The following CRADD variants were observed in gnomAD, a reference collection of about 807,000 sequenced individuals.
CRADD encodes the protein CARD and death domain containing adaptor protein.
In CRADD, 9 loss-of-function variants were observed where a neutral mutation model predicts 15.5. The ratio of observed to expected loss-of-function variants is 0.58; its 90% CI spans 0.35 to 1.01. The LOEUF (loss-of-function observed/expected upper bound fraction) is 1.01. CRADD is among the 50% of genes least tolerant of loss of function. The pLI is 0.02. For missense variants in CRADD, 227 were observed against 250.3 expected (o/e 0.91, Z 0.63); for synonymous variants, 118 against 107.6 (o/e 1.10, Z -0.60).
intron 2 of CRADD, among the ~76,000 whole-genome samples, chr12:93,884,156 C>T (rs532704564): frequency 4.6e-5 from 7 of 152,344 alleles, no homozygotes; most frequent in Admixed American, 1.3e-4. Flanking sequence ...CTGGCTACCA[C>T]AGTTCTCCAG....
chr12:93,857,540 A>T (rs1044238417), intron 2 of CRADD, among the ~76,000 whole-genome samples: 1 of 152,232 alleles, frequency 6.6e-6, no homozygotes, highest in Non-Finnish European at 1.5e-5. Context: ...ATTTCTTTGA[A>T]TATAAATAGT....
At chr12:93,756,555 T>G (rs989257319) in intron 2 of CRADD, among the ~76,000 whole-genome samples, 1 of 152,220 alleles carries the variant, frequency 6.6e-6, no homozygotes. Context: ...TTAAGCTGTT[T>G]TATTCCAGGG....
chr12:93,860,881 TCTGCTTTA>T (rs1243613830), intron 2 of CRADD, among the ~76,000 whole-genome samples: 2 of 152,216 alleles, frequency 1.3e-5, no homozygotes, highest in African/African-American at 4.8e-5. Flanking sequence ...CCAGGGACTT[TCTGCTTTA>T]ACCAAATATT....
intron 2 of CRADD, among the ~76,000 whole-genome samples, chr12:93,870,298 ACAGT>A (rs1958407350): frequency 6.6e-6 from 1 of 152,178 alleles, no homozygotes; most frequent in African/African-American, 2.4e-5. Context: ...AAGAACACTG[ACAGT>A]CTGTGGCACT....
chr12:93,822,647 C>T (rs187184525), intron 2 of CRADD, among the ~76,000 whole-genome samples: 1 of 152,176 alleles, frequency 6.6e-6, no homozygotes, highest in Non-Finnish European at 1.5e-5. Flanking sequence ...GTGTTACATG[C>T]AGTCACCTTT....
chr12:93,859,280 T>C (rs997252233), intron 2 of CRADD: 20 of 453,960 alleles, frequency 4.4e-5, no homozygotes, highest in Non-Finnish European at 7.5e-5. Flanking sequence ...TCAAATACAT[T>C]TGTTACTTTT....
intron 2 of CRADD, among the ~76,000 whole-genome samples, chr12:93,856,321 A>G (rs1958274766): frequency 6.6e-6 from 1 of 152,238 alleles, no homozygotes; most frequent in African/African-American, 2.4e-5. Context: ...CCATTAAATG[A>G]ATAACTACAG....
At chr12:93,731,594 G>T (rs1470325056) in intron 2 of CRADD, among the ~76,000 whole-genome samples, 1 of 152,220 alleles carries the variant, frequency 6.6e-6, no homozygotes, top group Non-Finnish European at 1.5e-5. Flanking sequence ...ATACAAGGAA[G>T]TCCTCTTTGC....
At chr12:93,844,535 G>A (rs577883756) in intron 2 of CRADD, among the ~76,000 whole-genome samples, 3 of 152,258 alleles carry the variant, frequency 2.0e-5, no homozygotes, top group Admixed American at 1.3e-4. Flanking sequence ...TCCCAGTTAT[G>A]TGGCCCTATT....
chr12:93,746,499 G>T (rs1040262664), intron 2 of CRADD, among the ~76,000 whole-genome samples: 1 of 152,146 alleles, frequency 6.6e-6, no homozygotes, highest in Admixed American at 6.5e-5. Context: ...CGTGGAACCT[G>T]ATAATTTTTT....
rs776236806 is a variant in CRADD at position 93,778,708 on chromosome 12, G to GT, written c.299-71253dup. ...CTCACTATTCATAGCCACACAGGGTGTTTTTTTTTGGTTGGTTTTTTTTTT... is the reference window on the plus strand; with the variant it reads ...CTCACTATTCATAGCCACACAGGGTGTTTTTTTTTTGGTTGGTTTTTTTTTT... On this transcript the variant is annotated intron_variant, in intron 2 of 2. Transcript: ENST00000332896. Among the ~76,000 whole-genome samples, 180 of 132,564 alleles carry GT rather than the reference G, an allele frequency of 1.4e-3. 2 individuals carry two copies. The East Asian group carries it at 0.026, about 19-fold the overall frequency. 87.0% of individuals were successfully genotyped at this position (132,564 alleles called of 152,430 possible).
intron 2 of CRADD, among the ~76,000 whole-genome samples, chr12:93,737,218 CTTAGATA>C (rs903173098): frequency 1.3e-5 from 2 of 152,140 alleles, no homozygotes; most frequent in African/African-American, 4.8e-5. Context: ...TGTCCAAGTA[CTTAGATA>C]TTACTATATT....
intron 2 of CRADD, among the ~76,000 whole-genome samples, chr12:93,791,348 A>G (rs1292037786): frequency 2.0e-5 from 3 of 152,186 alleles, no homozygotes; most frequent in Non-Finnish European, 4.4e-5. Context: ...CCTTGAAAAA[A>G]AGGAAGGAAA....
chr12:93,806,467 A>G (rs902655082), intron 2 of CRADD, among the ~76,000 whole-genome samples: 2 of 149,610 alleles, frequency 1.3e-5, no homozygotes, highest in South Asian at 2.1e-4. Flanking sequence ...AAAAAAAAAA[A>G]AAAAACAAAA....
chr12:93,872,775 T>C (rs1019860185), intron 2 of CRADD, among the ~76,000 whole-genome samples: 8 of 152,170 alleles, frequency 5.3e-5, no homozygotes, highest in African/African-American at 1.9e-4. Flanking sequence ...TGTGTCTGTT[T>C]TTGTGCTGGT....
chr12:93,815,903 C>T (rs1957691393), intron 2 of CRADD: 1 of 152,150 alleles, frequency 6.6e-6, no homozygotes, highest in South Asian at 2.1e-4. Context: ...TTAGCTTGCC[C>T]TGGTGTCACT....
chr12:93,788,837 A>C (rs1283499441), intron 2 of CRADD, among the ~76,000 whole-genome samples: 1 of 152,120 alleles, frequency 6.6e-6, no homozygotes, highest in Non-Finnish European at 1.5e-5. Context: ...CTCTTGTGGG[A>C]ATCACAGGAG....
intron 2 of CRADD, among the ~76,000 whole-genome samples, chr12:93,801,922 A>G (rs965101812): frequency 6.6e-6 from 1 of 152,194 alleles, no homozygotes; most frequent in Admixed American, 6.5e-5. Flanking sequence ...CTTAGCTCCC[A>G]CTTATAAGTG....
chr12:93,688,775 G>C (rs1184216282), intron 2 of CRADD, among the ~76,000 whole-genome samples: 3 of 152,168 alleles, frequency 2.0e-5, no homozygotes, highest in Non-Finnish European at 4.4e-5. Flanking sequence ...AAGGCCTACT[G>C]ATTCATATCT....
Sources: allele counts gnomAD v4.1 joint callset (sites outside exome capture counted in the v4.1 genomes callset), GRCh38; gene constraint gnomAD v4.1.1; transcripts MANE v1.5; gene names NCBI Gene and HGNC (gene_info 2026-07-23, HGNC 2026-07-21).